The following TAS2R1 variants were observed in gnomAD, a reference collection of about 807,000 sequenced individuals.
TAS2R1 encodes the protein taste 2 receptor member 1.
For synonymous variants in TAS2R1, 141 were observed against 134.2 expected (o/e 1.05, Z -0.35); for missense variants, 370 against 353.4 (o/e 1.05, Z -0.38).
the TAS2R1 span, among the ~76,000 whole-genome samples, chr5:9,867,666 GC>G: frequency 6.6e-6 from 1 of 152,048 alleles, no homozygotes; most frequent in Non-Finnish European, 1.5e-5. Flanking sequence ...CAAATCTTAT[GC>G]CCTCACATTT....
the TAS2R1 span, among the ~76,000 whole-genome samples, chr5:9,805,597 G>A: frequency 1.3e-5 from 2 of 152,032 alleles, no homozygotes; most frequent in Non-Finnish European, 2.9e-5. Context: ...TATAACATAT[G>A]TAAGTCAATA....
the TAS2R1 span, among the ~76,000 whole-genome samples, chr5:9,858,087 T>G: frequency 3.3e-5 from 5 of 151,956 alleles, no homozygotes; most frequent in Admixed American, 6.5e-5. Context: ...GGCCCTAGGG[T>G]GGGCCTAGAG....
At chr5:9,744,600 C>T in the TAS2R1 span, among the ~76,000 whole-genome samples, 1 of 152,118 alleles carries the variant, frequency 6.6e-6, no homozygotes, top group Non-Finnish European at 1.5e-5. Context: ...TCTTTCATGA[C>T]ATCATTAGAT....
the TAS2R1 span, among the ~76,000 whole-genome samples, chr5:9,803,470 G>T: frequency 1.3e-5 from 2 of 152,136 alleles, no homozygotes; most frequent in African/African-American, 4.8e-5. Flanking sequence ...TCAAAGAAAA[G>T]AATTTTAAGA....
chr5:9,783,930 G>A, the TAS2R1 span, among the ~76,000 whole-genome samples: 1 of 152,156 alleles, frequency 6.6e-6, no homozygotes, highest in African/African-American at 2.4e-5. Context: ...CCAGAGCTGC[G>A]CTACCTGGAT....
the TAS2R1 span, among the ~76,000 whole-genome samples, chr5:9,767,165 G>T: frequency 5.9e-5 from 9 of 151,736 alleles, no homozygotes; most frequent in Non-Finnish European, 1.3e-4. Flanking sequence ...CTCCAAATTT[G>T]TTCCTTTCAT....
At position 9,687,159 on chromosome 5, in the gene TAS2R1, CAG is replaced by C. The variant is rs1271492739; in HGVS notation, c.-242+25011_-242+25012del. 5.3e-5 allele frequency among the ~76,000 whole-genome samples: 8 copies of C among 152,150 alleles called. No homozygotes were observed. In the East Asian group the frequency reaches 1.6e-3, roughly 30 times the overall value. ...TTGTATTTTTTAGTACAAAATTAGA[CAG>C]AGTTTCTCCATGTTGGTCAGCATAG... On this transcript the variant is annotated intron_variant, in intron 1 of 2. Transcript: ENST00000506620.
At chr5:9,680,742 C>T (rs1294855153) in intron 1 of TAS2R1, among the ~76,000 whole-genome samples, 2 of 152,122 alleles carry the variant, frequency 1.3e-5, no homozygotes, top group Non-Finnish European at 2.9e-5. Context: ...TAAACTGAGA[C>T]ATGCCAATTA....
chr5:9,813,930 A>T, the TAS2R1 span, among the ~76,000 whole-genome samples: 1 of 152,266 alleles, frequency 6.6e-6, no homozygotes, highest in Non-Finnish European at 1.5e-5. Flanking sequence ...ATCTCTTCCA[A>T]GATTTTTCCT....
chr5:9,858,508 C>T, the TAS2R1 span, among the ~76,000 whole-genome samples: 1 of 152,172 alleles, frequency 6.6e-6, no homozygotes, highest in African/African-American at 2.4e-5. Flanking sequence ...TTACAAACAA[C>T]ACATTGAGTA....
chr5:9,852,342 A>C, the TAS2R1 span, among the ~76,000 whole-genome samples: 1 of 152,110 alleles, frequency 6.6e-6, no homozygotes, highest in South Asian at 2.1e-4. Flanking sequence ...AAGAGTGTCC[A>C]AACTTATTTT....
the TAS2R1 span, among the ~76,000 whole-genome samples, chr5:9,880,059 G>C: frequency 6.6e-6 from 1 of 152,180 alleles, no homozygotes; most frequent in East Asian, 1.9e-4. Context: ...TAACATACTC[G>C]AGTTCTACAA....
chr5:9,875,319 TCAGCACCAGCCAAGTCAAATAAGGCTGC>T, the TAS2R1 span, among the ~76,000 whole-genome samples: 1 of 152,156 alleles, frequency 6.6e-6, no homozygotes, highest in Non-Finnish European at 1.5e-5. Flanking sequence ...TTTTTACAAC[TCAGCACCAGCCAAGTCAAATAAGGCTGC>T]CAGCTGAATT....
upstream of TAS2R1, among the ~76,000 whole-genome samples, chr5:9,715,340 G>C (rs757871270): frequency 6.6e-6 from 1 of 152,190 alleles, no homozygotes; most frequent in African/African-American, 2.4e-5. Flanking sequence ...ACAGCAGGTG[G>C]TTGAACCTCA....
the TAS2R1 span, among the ~76,000 whole-genome samples, chr5:9,834,536 A>G: frequency 1.3e-5 from 2 of 152,174 alleles, no homozygotes; most frequent in Non-Finnish European, 2.9e-5. Flanking sequence ...ACACCTATGG[A>G]GAAAAGTTTG....
At chr5:9,817,385 T>A in the TAS2R1 span, among the ~76,000 whole-genome samples, 1 of 152,230 alleles carries the variant, frequency 6.6e-6, no homozygotes, top group Non-Finnish European at 1.5e-5. Context: ...TTAATGACAA[T>A]TTTACAGGCA....
chr5:9,810,796 G>A, the TAS2R1 span, among the ~76,000 whole-genome samples: 11 of 152,266 alleles, frequency 7.2e-5, no homozygotes, highest in Non-Finnish European at 1.5e-4. Context: ...AGGCTGATGA[G>A]AATGGAACCT....
chr5:9,652,191 G>T (rs1464544014), intron 2 of TAS2R1, among the ~76,000 whole-genome samples: 1 of 152,192 alleles, frequency 6.6e-6, no homozygotes, highest in African/African-American at 2.4e-5. Flanking sequence ...AATTCCCACT[G>T]CTAGGAAGAT....
At chr5:9,762,864 A>T in the TAS2R1 span, among the ~76,000 whole-genome samples, 1 of 152,212 alleles carries the variant, frequency 6.6e-6, no homozygotes, top group Non-Finnish European at 1.5e-5. Context: ...GATTTGCCTA[A>T]ATTGGAAACA....
Sources: gnomAD v4.1 joint callset for allele counts (sites outside exome capture counted in the v4.1 genomes callset) on GRCh38, gnomAD v4.1.1 for gene constraint, MANE v1.5 for transcripts, NCBI Gene and HGNC (gene_info 2026-07-23, HGNC 2026-07-21) for gene names.